Variants in ADAMTS3 observed in about 807,000 individuals in gnomAD.
ADAMTS3 encodes the protein ADAM metallopeptidase with thrombospondin type 1 motif 3, also known as A disintegrin and metalloproteinase with thrombospondin motifs 3.
A neutral mutation model predicts 129.0 loss-of-function variants in ADAMTS3; 73 were observed. The observed-to-expected ratio is 0.57, with a 90% CI of 0.47 to 0.69. The LOEUF is 0.69. ADAMTS3 is among the 30% of genes least tolerant of loss of function. The pLI, the probability that ADAMTS3 is intolerant of heterozygous loss-of-function variation, is 0.00. For missense variants in ADAMTS3, 1,457 were observed against 1,514.5 expected (o/e 0.96, Z 0.63); for synonymous variants, 477 against 510.8 (o/e 0.93, Z 0.89).
chr4:72,465,966 C>A (rs1381308914), intron 3 of ADAMTS3, among the ~76,000 whole-genome samples: 1 of 152,068 alleles, frequency 6.6e-6, no homozygotes, highest in Non-Finnish European at 1.5e-5. Flanking sequence ...CCTGCCCAGA[C>A]ATGTGAAACT....
intron 4 of ADAMTS3, among the ~76,000 whole-genome samples, chr4:72,375,481 A>G (rs28715515): frequency 0.18 from 27,730 of 152,086 alleles, 3,306 homozygotes; most frequent in East Asian, 0.45. Context: ...CAGATACATG[A>G]TTACAAGCTG....
At chr4:72,323,603 A>AGCAGGTGGG (rs1023180709) in intron 5 of ADAMTS3, among the ~76,000 whole-genome samples, 3 of 152,118 alleles carry the variant, frequency 2.0e-5, no homozygotes, top group African/African-American at 7.2e-5. Context: ...AGGGCCAGCT[A>AGCAGGTGGG]GCAGGTGGGG....
chr4:72,383,714 A>G (rs1443115624), intron 4 of ADAMTS3, among the ~76,000 whole-genome samples: 1 of 152,152 alleles, frequency 6.6e-6, no homozygotes, highest in African/African-American at 2.4e-5. Context: ...CAAAAAGCAC[A>G]CTATCTAGAG....
intron 4 of ADAMTS3, among the ~76,000 whole-genome samples, chr4:72,365,684 T>C (rs1169200152): frequency 6.6e-6 from 1 of 152,158 alleles, no homozygotes; most frequent in Non-Finnish European, 1.5e-5. Context: ...TTTTCTAATA[T>C]GGAAAATCCC....
intron 3 of ADAMTS3, among the ~76,000 whole-genome samples, chr4:72,465,447 C>A (rs1560526217): frequency 4.6e-5 from 7 of 151,920 alleles, no homozygotes; most frequent in Admixed American, 3.9e-4. Context: ...GGCTTTTATT[C>A]TGACAGTGAT....
intron 4 of ADAMTS3, among the ~76,000 whole-genome samples, chr4:72,353,451 G>A (rs2109846890): frequency 6.6e-6 from 1 of 152,114 alleles, no homozygotes; most frequent in South Asian, 2.1e-4. Flanking sequence ...ATGTCTAGTT[G>A]CTAGCTGTGT....
rs755115918 is a variant in ADAMTS3 at position 72,529,924 on chromosome 4, T to A, written c.504+18554A>T. Among the ~76,000 whole-genome samples, 6 of 17,152 alleles carry A rather than the reference T, an allele frequency of 3.5e-4. 1 individual carries two copies. In the South Asian group the frequency reaches 3.8e-3, roughly 11 times the overall value. The allele number at this position is 17,152 out of a possible 152,430, so 11.3% of individuals were successfully genotyped here. ...ATATAAATAATATATATTATAAATATTATATAATATATTATATTTATATAT... is the reference window on the plus strand; with the variant it reads ...ATATAAATAATATATATTATAAATAATATATAATATATTATATTTATATAT... On this transcript the variant is annotated intron_variant, in intron 3 of 21. Transcript: ENST00000286657.
chr4:72,531,049 C>G (rs1721029193), intron 3 of ADAMTS3, among the ~76,000 whole-genome samples: 1 of 151,258 alleles, frequency 6.6e-6, no homozygotes, highest in South Asian at 2.1e-4. Context: ...AATGCAGCTT[C>G]TATGTGAAGA....
At chr4:72,312,695 A>T (rs775252536) in intron 12 of ADAMTS3, among the ~76,000 whole-genome samples, 3 of 152,128 alleles carry the variant, frequency 2.0e-5, no homozygotes, top group Non-Finnish European at 4.4e-5. Flanking sequence ...TTCAAATCAT[A>T]TATTTTAAAT....
rs191683675 is a variant in ADAMTS3, at chr4:72,313,997, A to C, written c.1600-175T>G. 1.1e-3 allele frequency among the ~76,000 whole-genome samples: 160 copies of C among 152,306 alleles called. 1 individual carries two copies. Among genetic ancestry groups the C allele is most frequent in the Non-Finnish European group, 1.7e-3 (115 of 68,024 alleles). On this transcript the variant is annotated intron_variant, in intron 11 of 21. Transcript: ENST00000286657. ...TCATTAATATACCCTATTAAAGGGT[A>C]ATTTAGACTTGTATTTTTCAAGTAG...
chr4:72,479,593 A>G (rs1719364296), intron 3 of ADAMTS3, among the ~76,000 whole-genome samples: 1 of 152,292 alleles, frequency 6.6e-6, no homozygotes, highest in Admixed American at 6.5e-5. Context: ...TAAAAACCCT[A>G]GAAGAAAACC....
At chr4:72,428,165 G>A (rs186013821) in intron 3 of ADAMTS3, among the ~76,000 whole-genome samples, 125 of 152,098 alleles carry the variant, frequency 8.2e-4, no homozygotes, top group African/African-American at 2.7e-3. Context: ...AATTGAGTTT[G>A]AAGATGAGTT....
At chr4:72,517,522 T>C (rs1277321115) in intron 3 of ADAMTS3, among the ~76,000 whole-genome samples, 1 of 152,234 alleles carries the variant, frequency 6.6e-6, no homozygotes. Flanking sequence ...GAGCCTGTTA[T>C]TGGTCTATTC....
At chr4:72,366,659 T>G (rs1226850570) in intron 4 of ADAMTS3, among the ~76,000 whole-genome samples, 1 of 152,150 alleles carries the variant, frequency 6.6e-6, no homozygotes, top group East Asian at 1.9e-4. Flanking sequence ...GTGGGGACAT[T>G]AGTCCTCTTC....
Position 72,566,471 on chromosome 4 carries a change from C to T in ADAMTS3, c.97+903G>A, listed in dbSNP as rs1307990058. Among the ~76,000 whole-genome samples the T allele has an allele frequency of 5.9e-5, 9 of 152,172 alleles. No homozygotes were observed. In the East Asian group the frequency reaches 1.7e-3, roughly 29 times the overall value. On this transcript the variant is annotated intron_variant, in intron 2 of 21. Transcript: ENST00000286657. ...ACTGTGCCTGGCATTTAATAAACGG[C>T]CAATGACTTGTAACTATGTTTGCAG...
At chr4:72,500,693 C>T (rs761191481) in intron 3 of ADAMTS3, among the ~76,000 whole-genome samples, 1 of 152,066 alleles carries the variant, frequency 6.6e-6, no homozygotes, top group Non-Finnish European at 1.5e-5. Flanking sequence ...TTTTCCAAAG[C>T]TGGTATCGAT....
intron 3 of ADAMTS3, among the ~76,000 whole-genome samples, chr4:72,491,542 T>G (rs1578730191): frequency 6.6e-6 from 1 of 151,796 alleles, no homozygotes; most frequent in African/African-American, 2.4e-5. Flanking sequence ...TTGTCCTGCA[T>G]CTATGAAAAT....
rs529366713 is a variant in ADAMTS3 at position 72,522,783 on chromosome 4, C to T, written c.504+25695G>A. On this transcript the variant is annotated intron_variant, in intron 3 of 21. Transcript: ENST00000286657. ...TTCATTTTTGACAGTGTTAAAAATG[C>T]TTAAAACATTTTTCAAAGGTTATAA... Among the ~76,000 whole-genome samples, 7 of 152,102 alleles carry T rather than the reference C, an allele frequency of 4.6e-5. No individual in the cohort carries two copies. The South Asian group carries it at 6.2e-4, about 14-fold the overall frequency.
chr4:72,517,215 A>C (rs1456015613), intron 3 of ADAMTS3, among the ~76,000 whole-genome samples: 2 of 152,044 alleles, frequency 1.3e-5, no homozygotes, highest in Non-Finnish European at 1.5e-5. Context: ...AAGCTTTTTG[A>C]TGTGCTGCTG....
Sources: gnomAD v4.1 joint callset for allele counts (sites outside exome capture counted in the v4.1 genomes callset) on GRCh38, gnomAD v4.1.1 for gene constraint, MANE v1.5 for transcripts, NCBI Gene and HGNC (gene_info 2026-07-23, HGNC 2026-07-21) for gene names.